Variants in CCDC7 observed in about 807,000 individuals in gnomAD.
CCDC7 encodes the protein coiled-coil domain containing 7.
CCDC7 carries 183 observed loss-of-function variants against 196.9 expected under a neutral mutation model. The observed-to-expected ratio is 0.93, with a 90% CI of 0.82 to 1.05. The LOEUF (loss-of-function observed/expected upper bound fraction) is 1.05. CCDC7 is among the 50% of genes least tolerant of loss of function. The probability of loss-of-function intolerance (pLI) is 0.00; values close to 1 mark genes in which losing one functional copy is unlikely to be tolerated. For missense variants in CCDC7, 1,540 were observed against 1,482.2 expected, an observed-to-expected ratio of 1.04 and a Z score of -0.64; for synonymous variants, 525 against 484.6, an observed-to-expected ratio of 1.08 and a Z score of -1.10.
intron 25 of CCDC7, among the ~76,000 whole-genome samples, chr10:32,720,408 A>AC (rs2082235192): frequency 6.6e-6 from 1 of 151,060 alleles, no homozygotes; most frequent in Admixed American, 6.6e-5. Context: ...AACATCACAC[A>AC]CTGGGGCCTG....
chr10:32,877,855 C>G (rs2488306), downstream of CCDC7, among the ~76,000 whole-genome samples: 3 of 152,050 alleles, frequency 2.0e-5, no homozygotes, highest in East Asian at 5.8e-4. Flanking sequence ...GATTCTAATA[C>G]GCAGCCAGAG....
chr10:32,734,943 A>G (rs1247188761), intron 28 of CCDC7, among the ~76,000 whole-genome samples: 3 of 150,700 alleles, frequency 2.0e-5, no homozygotes, highest in Admixed American at 1.3e-4. Flanking sequence ...ATAAAATAAA[A>G]TAAAATAAAT....
intron 20 of CCDC7, among the ~76,000 whole-genome samples, chr10:32,662,035 G>A (rs1195006380): frequency 6.6e-6 from 1 of 152,136 alleles, no homozygotes; most frequent in African/African-American, 2.4e-5. Context: ...CAGAACTCAA[G>A]TTCCAACAGC....
At chr10:32,511,522 G>T in intron 9 of CCDC7, 1 of 1,605,378 alleles carries the variant, frequency 6.2e-7, no homozygotes, top group Non-Finnish European at 8.5e-7. Flanking sequence ...TAACTCCTTG[G>T]GTTGCCAAAT....
At chr10:32,717,363 C>G (rs1003096536) in intron 25 of CCDC7, among the ~76,000 whole-genome samples, 3 of 152,176 alleles carry the variant, frequency 2.0e-5, no homozygotes, top group African/African-American at 7.2e-5. Flanking sequence ...ACAAGAATCT[C>G]TGGAACACAT....
intron 25 of CCDC7, among the ~76,000 whole-genome samples, chr10:32,722,789 G>A (rs527835332): frequency 8.5e-5 from 13 of 152,142 alleles, no homozygotes; most frequent in African/African-American, 2.9e-4. Flanking sequence ...AATTCAACCC[G>A]TAACCCTCCC....
At chr10:32,718,410 A>C (rs2081940247) in intron 25 of CCDC7, among the ~76,000 whole-genome samples, 1 of 152,234 alleles carries the variant, frequency 6.6e-6, no homozygotes, top group Non-Finnish European at 1.5e-5. Context: ...ACCTACAGCC[A>C]ATATCATACT....
At chr10:32,836,846 G>A (rs908067943) in intron 33 of CCDC7, among the ~76,000 whole-genome samples, 3 of 152,070 alleles carry the variant, frequency 2.0e-5, no homozygotes, top group Non-Finnish European at 2.9e-5. Flanking sequence ...TTTAACAAAT[G>A]GTGCTGGGAA....
intron 28 of CCDC7, among the ~76,000 whole-genome samples, chr10:32,776,773 G>A (rs960101905): frequency 8.5e-5 from 13 of 152,128 alleles, no homozygotes; most frequent in African/African-American, 2.9e-4. Context: ...ATGTTAAATT[G>A]CAAAGTAAAT....
chr10:32,531,703 C>T (rs1402893220), intron 11 of CCDC7, among the ~76,000 whole-genome samples: 1 of 152,128 alleles, frequency 6.6e-6, no homozygotes, highest in Non-Finnish European at 1.5e-5. Context: ...TGTTGGGAGA[C>T]TTTCTATTAC....
chr10:32,558,877 C>T (rs189685160), intron 13 of CCDC7, among the ~76,000 whole-genome samples: 29 of 152,312 alleles, frequency 1.9e-4, no homozygotes, highest in East Asian at 5.8e-4. Flanking sequence ...TTGCCTCACT[C>T]GGGAAGCGCA....
intron 34 of CCDC7, 27 bp downstream of exon 35, chr10:32,845,353 A>G (rs754853773): frequency 4.8e-6 from 7 of 1,469,544 alleles, no homozygotes; most frequent in Non-Finnish European, 5.6e-6. Context: ...TTCACATCTA[A>G]TATTTATGGC....
intron 29 of CCDC7, among the ~76,000 whole-genome samples, chr10:32,800,115 A>G (rs2084469463): frequency 6.6e-6 from 1 of 152,096 alleles, no homozygotes; most frequent in Non-Finnish European, 1.5e-5. Flanking sequence ...ATAATCCACT[A>G]TCATTCTCCA....
At chr10:32,561,838 T>C (rs1377310418) in intron 13 of CCDC7, among the ~76,000 whole-genome samples, 2 of 151,772 alleles carry the variant, frequency 1.3e-5, no homozygotes, top group Non-Finnish European at 2.9e-5. Flanking sequence ...CAAAAAACCC[T>C]TCAAAAAATT....
chr10:32,562,798 G>T (rs1222960655), intron 13 of CCDC7, among the ~76,000 whole-genome samples: 2 of 152,034 alleles, frequency 1.3e-5, no homozygotes, highest in Non-Finnish European at 2.9e-5. Flanking sequence ...GTTCTGGCCA[G>T]GGCAATTAGG....
intron 30 of CCDC7, among the ~76,000 whole-genome samples, chr10:32,808,297 G>A (rs749796781): frequency 6.6e-6 from 1 of 152,098 alleles, no homozygotes; most frequent in Non-Finnish European, 1.5e-5. Flanking sequence ...CAGTTGCCCT[G>A]ATTACCAGGG....
chr10:32,464,578 C>T (rs139202028), intron 5 of CCDC7, among the ~76,000 whole-genome samples: 5 of 152,234 alleles, frequency 3.3e-5, no homozygotes, highest in African/African-American at 1.2e-4. Flanking sequence ...GATTTGATCT[C>T]GGCTCACTGA....
At chr10:32,873,493 G>A (rs2136897916) in intron 41 of CCDC7, among the ~76,000 whole-genome samples, 1 of 151,924 alleles carries the variant, frequency 6.6e-6, no homozygotes, top group South Asian at 2.1e-4. Flanking sequence ...TCCTCCTTTA[G>A]CTTGCAGTAG....
At chr10:32,467,871 G>A (rs1564365865) in intron 5 of CCDC7, among the ~76,000 whole-genome samples, 1 of 152,062 alleles carries the variant, frequency 6.6e-6, no homozygotes, top group South Asian at 2.1e-4. Context: ...CTTTTGTCAG[G>A]TTTGTCGAAG....
Sources: gnomAD v4.1 joint callset for allele counts (sites outside exome capture counted in the v4.1 genomes callset) on GRCh38, gnomAD v4.1.1 for gene constraint, MANE v1.5 for transcripts, NCBI Gene and HGNC (gene_info 2026-07-23, HGNC 2026-07-21) for gene names.